The following KLHL1 variants were observed in gnomAD, a reference collection of about 807,000 sequenced individuals.
The protein encoded by KLHL1 is kelch like family member 1.
In KLHL1, 47 loss-of-function variants were observed where a neutral mutation model predicts 77.7. That is an observed-to-expected ratio of 0.60 (90% CI 0.48 to 0.77). The LOEUF (loss-of-function observed/expected upper bound fraction) is 0.77. Ranked by LOEUF, KLHL1 falls within the 30% of genes least tolerant of loss-of-function variation. The pLI is 0.00. For missense variants in KLHL1, 925 were observed against 910.8 expected (o/e 1.02, Z -0.20); for synonymous variants, 360 against 325.2 (o/e 1.11, Z -1.15).
At chr13:69,874,213 A>G (rs187797069) in intron 5 of KLHL1, among the ~76,000 whole-genome samples, 2 of 152,226 alleles carry the variant, frequency 1.3e-5, no homozygotes, top group East Asian at 3.9e-4. Flanking sequence ...GCCTGCCACT[A>G]CAATCCTCTC....
At chr13:69,882,260 T>C in intron 5 of KLHL1, 23 bp downstream of exon 5, 1 of 1,527,780 alleles carries the variant, frequency 6.5e-7, no homozygotes, top group Non-Finnish European at 9.1e-7. Context: ...TGAATCTATT[T>C]AAACAGCGTC....
At chr13:69,840,788 T>G (rs1413881545) in intron 5 of KLHL1, among the ~76,000 whole-genome samples, 3 of 148,838 alleles carry the variant, frequency 2.0e-5, no homozygotes, top group African/African-American at 5.1e-5. Flanking sequence ...TTAGTAAATT[T>G]TTTTTTTTTT....
Position 70,107,603 on chromosome 13 carries a change from C to A in KLHL1, c.97G>T (p.Ala33Ser). The A allele has an allele frequency of 1.3e-6, 2 of 1,594,026 alleles. No homozygotes were observed. Among genetic ancestry groups the A allele is most frequent in the Admixed American group, 3.5e-5 (2 of 57,688 alleles). Residue 33 changes from alanine to serine, a missense_variant, in exon 1 of 11, where the codon GCG becomes TCG. Coordinates refer to ENST00000377844, the MANE Select transcript of KLHL1 (RefSeq NM_020866.3). The stretch of plus-strand genomic sequence containing the variant: ...TCCTGTTGCAGGCAGCCTCCCCCCG[C>A]CGGGCCGCCGGTGGAAGGAGACGGG... ...SHPSPSTGGP[A>S]GGGCLQQDGS... is the part of the protein sequence containing the mutation.
chr13:69,888,058 A>G (rs1286372067), intron 4 of KLHL1, among the ~76,000 whole-genome samples: 1 of 152,142 alleles, frequency 6.6e-6, no homozygotes, highest in Non-Finnish European at 1.5e-5. Flanking sequence ...TAGAGACTGG[A>G]AAGTCCAACA....
intron 1 of KLHL1, among the ~76,000 whole-genome samples, chr13:70,049,555 C>T (rs1045734483): frequency 2.3e-4 from 35 of 152,286 alleles, no homozygotes; most frequent in African/African-American, 7.5e-4. Context: ...TCACCATAAA[C>T]AAGCATTTAT....
chr13:69,746,672 T>C lies in KLHL1; in HGVS notation c.1640-6116A>G, dbSNP rs546263601. 2.2e-4 allele frequency among the ~76,000 whole-genome samples: 34 copies of C among 152,106 alleles called. 1 individual carries two copies. Among genetic ancestry groups the C allele is most frequent in the African/African-American group, 7.9e-4 (33 of 41,574 alleles). The stretch of plus-strand genomic sequence containing the variant: ...TTCTATGGGTAAAATATTTCATTTT[T>C]TTCCTTTTCCCCGTGTGTCACCTTA... On this transcript the variant is annotated intron_variant, in intron 7 of 10. Coordinates refer to ENST00000377844, the MANE Select transcript of KLHL1 (RefSeq NM_020866.3).
chr13:69,895,460 A>G (rs1438167977), intron 4 of KLHL1, among the ~76,000 whole-genome samples: 1 of 152,030 alleles, frequency 6.6e-6, no homozygotes, highest in African/African-American at 2.4e-5. Flanking sequence ...TAACTTTGGT[A>G]TTTTTCTGAT....
intron 4 of KLHL1, among the ~76,000 whole-genome samples, chr13:69,934,740 T>G (rs1236659734): frequency 6.6e-6 from 1 of 151,862 alleles, no homozygotes; most frequent in Non-Finnish European, 1.5e-5. Context: ...ACCTTGAATT[T>G]CATTAAACAG....
At chr13:69,750,339 A>G (rs1458893031) in intron 7 of KLHL1, among the ~76,000 whole-genome samples, 1 of 151,834 alleles carries the variant, frequency 6.6e-6, no homozygotes, top group Non-Finnish European at 1.5e-5. Flanking sequence ...CTTCAGAAAC[A>G]AGAAATAATT....
At chr13:69,715,242 T>A (rs994062451) in intron 9 of KLHL1, among the ~76,000 whole-genome samples, 1 of 152,206 alleles carries the variant, frequency 6.6e-6, no homozygotes, top group African/African-American at 2.4e-5. Context: ...TTTTGAATTG[T>A]AATCCCCAGG....
At chr13:69,951,639 G>T (rs1883714962) in intron 3 of KLHL1, among the ~76,000 whole-genome samples, 1 of 151,398 alleles carries the variant, frequency 6.6e-6, no homozygotes, top group Non-Finnish European at 1.5e-5. Context: ...TATTCTTGAG[G>T]TTCTGTGTTG....
chr13:70,029,411 A>G (rs1886036498), intron 1 of KLHL1, among the ~76,000 whole-genome samples: 1 of 152,216 alleles, frequency 6.6e-6, no homozygotes, highest in Non-Finnish European at 1.5e-5. Flanking sequence ...GAAATTTCAG[A>G]TGTTAGCTTC....
At chr13:69,710,746 G>A (rs1256345491) in intron 9 of KLHL1, among the ~76,000 whole-genome samples, 1 of 152,058 alleles carries the variant, frequency 6.6e-6, no homozygotes, top group African/African-American at 2.4e-5. Flanking sequence ...TTCAGGTTAT[G>A]TTTCTGAAAA....
At chr13:69,908,350 A>C (rs550290527) in intron 4 of KLHL1, among the ~76,000 whole-genome samples, 5 of 151,982 alleles carry the variant, frequency 3.3e-5, no homozygotes, top group African/African-American at 1.2e-4. Context: ...TTCACTTACT[A>C]GAGTAATTTA....
At chr13:69,955,374 A>G (rs1005358958) in intron 3 of KLHL1, among the ~76,000 whole-genome samples, 4 of 151,400 alleles carry the variant, frequency 2.6e-5, no homozygotes, top group South Asian at 2.1e-4. Flanking sequence ...TCAGTGGCAC[A>G]CAAACTTTTT....
At chr13:69,953,922 T>C (rs541293232) in intron 3 of KLHL1, among the ~76,000 whole-genome samples, 22 of 151,406 alleles carry the variant, frequency 1.5e-4, no homozygotes, top group Non-Finnish European at 2.7e-4. Flanking sequence ...GTTTGCTGCA[T>C]GCTAAACTTT....
intron 4 of KLHL1, among the ~76,000 whole-genome samples, chr13:69,909,535 A>AT (rs1343281165): frequency 6.6e-6 from 1 of 151,350 alleles, no homozygotes; most frequent in Non-Finnish European, 1.5e-5. Context: ...TTTGGGGATA[A>AT]TTTTTTTTTA....
In KLHL1 at chr13:69,964,056, T is replaced by TG. The variant is rs71116970; in HGVS notation, c.681-2613_681-2612insC. Among the ~76,000 whole-genome samples, 564 of 151,292 alleles carry TG rather than the reference T, an allele frequency of 3.7e-3. 2 individuals are homozygous for TG. Among genetic ancestry groups the TG allele is most frequent in the African/African-American group, 4.2e-3 (174 of 41,218 alleles). ...GAATTTTTTTGTCAGTTTGTTTGTT[T>TG]TTTTAAAAATAGGCTCTTGCTTTGT... is the stretch of plus-strand genomic sequence containing the variant. On this transcript the variant is annotated intron_variant, in intron 2 of 10. Transcript: ENST00000377844.
chr13:69,976,447 TAA>T (rs1441574625), intron 1 of KLHL1, among the ~76,000 whole-genome samples: 2 of 151,988 alleles, frequency 1.3e-5, no homozygotes, highest in African/African-American at 4.8e-5. Flanking sequence ...CCATGATACT[TAA>T]GTTTTGTTAC....
Sources: gnomAD v4.1 joint callset for allele counts (sites outside exome capture counted in the v4.1 genomes callset) on GRCh38, gnomAD v4.1.1 for gene constraint, MANE v1.5 for transcripts, NCBI Gene and HGNC (gene_info 2026-07-23, HGNC 2026-07-21) for gene names.